Variants in CADM2 observed in about 807,000 individuals in gnomAD.
CADM2 encodes the protein immunoglobulin superfamily member 4D.
In CADM2, 12 loss-of-function variants were observed where a neutral mutation model predicts 49.8. That is an observed-to-expected ratio of 0.24 (90% CI 0.15 to 0.39). The LOEUF (loss-of-function observed/expected upper bound fraction) is 0.39, where lower values mean the gene tolerates loss of function less well. CADM2 is among the 10% of genes least tolerant of loss of function. The pLI is 1.00. For missense variants in CADM2, 378 were observed against 492.3 expected (o/e 0.77, Z 2.20); for synonymous variants, 214 against 175.4 (o/e 1.22, Z -1.74).
At chr3:84,971,912 A>T (rs929238619) in intron 1 of CADM2, among the ~76,000 whole-genome samples, 1 of 152,114 alleles carries the variant, frequency 6.6e-6, no homozygotes, top group Non-Finnish European at 1.5e-5. Context: ...GAAGTGGAAC[A>T]CAAGCAGCAG....
chr3:85,561,088 G>A (rs555331046), intron 1 of CADM2, among the ~76,000 whole-genome samples: 9 of 152,216 alleles, frequency 5.9e-5, no homozygotes, highest in African/African-American at 2.2e-4. Flanking sequence ...AAAAATGTTT[G>A]ACTGAATGAC....
chr3:85,346,701 A>G (rs1265787535), intron 1 of CADM2, among the ~76,000 whole-genome samples: 1 of 152,226 alleles, frequency 6.6e-6, no homozygotes, highest in Non-Finnish European at 1.5e-5. Context: ...AAAATCTTCA[A>G]AACTTTAAAA....
chr3:85,296,131 C>A, intron 1 of CADM2, among the ~76,000 whole-genome samples: 1 of 151,854 alleles, frequency 6.6e-6, no homozygotes, highest in Admixed American at 6.6e-5. Context: ...TTTTTTAAAT[C>A]TTGAAATGTT....
At chr3:85,855,693 C>T (rs2075291011) in intron 3 of CADM2, among the ~76,000 whole-genome samples, 2 of 150,140 alleles carry the variant, frequency 1.3e-5, no homozygotes, top group South Asian at 4.2e-4. Context: ...GTGGCATTAT[C>T]TCAGCTCACT....
chr3:85,289,700 T>C (rs534022159), intron 1 of CADM2, among the ~76,000 whole-genome samples: 196 of 152,290 alleles, frequency 1.3e-3, no homozygotes, highest in African/African-American at 4.2e-3. Context: ...ATCTTTCAAA[T>C]TTTAAAATTT....
chr3:85,487,103 C>A (rs2039448014), intron 1 of CADM2, among the ~76,000 whole-genome samples: 1 of 152,174 alleles, frequency 6.6e-6, no homozygotes, highest in Non-Finnish European at 1.5e-5. Flanking sequence ...CAATACTTAG[C>A]TTAATTCTTT....
intron 1 of CADM2, among the ~76,000 whole-genome samples, chr3:85,424,095 C>T (rs1353293981): frequency 2.0e-5 from 3 of 152,008 alleles, no homozygotes; most frequent in Non-Finnish European, 2.9e-5. Flanking sequence ...AAAATATTGC[C>T]AATAAACTAA....
chr3:85,152,893 G>C (rs942174239), intron 1 of CADM2, among the ~76,000 whole-genome samples: 5 of 151,490 alleles, frequency 3.3e-5, no homozygotes, highest in Admixed American at 3.3e-4. Flanking sequence ...GAACCCAGGA[G>C]GTGGAGCTTG....
At chr3:85,496,700 A>G (rs994041908) in intron 1 of CADM2, among the ~76,000 whole-genome samples, 1 of 152,110 alleles carries the variant, frequency 6.6e-6, no homozygotes, top group Non-Finnish European at 1.5e-5. Context: ...GCTTACCTGC[A>G]TTTGTTATTT....
At position 86,060,206 on chromosome 3, in the gene CADM2, A is replaced by G. The variant is rs888804362; in HGVS notation, c.971-5399A>G. Among the ~76,000 whole-genome samples the G allele has an allele frequency of 3.3e-5, 5 of 150,434 alleles. No homozygotes were observed. The East Asian group carries it at 9.9e-4, about 30-fold the overall frequency. On this transcript the variant is annotated intron_variant, in intron 8 of 9. Transcript: ENST00000383699. ...ATTGATCTACAACAAATTTTAACAG[A>G]TCAAATCGTTTTAATGTCAAAAAAA... is the stretch of plus-strand genomic sequence containing the variant.
chr3:85,972,753 T>C (rs1577828988), intron 8 of CADM2, among the ~76,000 whole-genome samples: 1 of 151,914 alleles, frequency 6.6e-6, no homozygotes, highest in East Asian at 2.0e-4. Flanking sequence ...AAAGGTGCTG[T>C]ACCACTCTTC....
At chr3:85,592,178 A>G (rs576175860) in intron 1 of CADM2, among the ~76,000 whole-genome samples, 2 of 152,138 alleles carry the variant, frequency 1.3e-5, no homozygotes, top group South Asian at 4.1e-4. Context: ...GGAAAACAGA[A>G]CATTGATAAA....
rs7645787 is a variant in CADM2, at chr3:85,036,563, C to T, written c.61+76895C>T. 4.5e-3 allele frequency among the ~76,000 whole-genome samples: 688 copies of T among 152,176 alleles called. 3 individuals carry two copies. Among genetic ancestry groups the T allele is most frequent in the African/African-American group, 0.016 (662 of 41,520 alleles). On this transcript the variant is annotated intron_variant, in intron 1 of 9. Transcript: ENST00000383699. The stretch of plus-strand genomic sequence containing the variant: ...CTAAAAGCCATTTGGGTTCTCTTGC[C>T]TATTAGGTTGGTGCAAAAATAATTG...
chr3:85,414,019 C>T (rs1371247643), intron 1 of CADM2, among the ~76,000 whole-genome samples: 3 of 152,074 alleles, frequency 2.0e-5, no homozygotes, highest in African/African-American at 7.2e-5. Context: ...CCTGTGCCAC[C>T]ACGCTCAGCT....
At chr3:85,659,467 A>G (rs1007712846) in intron 1 of CADM2, among the ~76,000 whole-genome samples, 1 of 152,142 alleles carries the variant, frequency 6.6e-6, no homozygotes. Context: ...AAAGGAAAAA[A>G]AAAAGTAAAC....
intron 1 of CADM2, among the ~76,000 whole-genome samples, chr3:85,373,612 C>G (rs2033410759): frequency 6.6e-6 from 1 of 152,180 alleles, no homozygotes; most frequent in African/African-American, 2.4e-5. Context: ...CCAAAATGCC[C>G]TAGCAGAGGT....
At chr3:85,558,989 A>C (rs724304) in intron 1 of CADM2, among the ~76,000 whole-genome samples, 77,852 of 151,930 alleles carry the variant, frequency 0.51, 23,022 homozygotes, top group East Asian at 0.85. Context: ...TTACGTATGC[A>C]TTTGATTATA....
intron 1 of CADM2, among the ~76,000 whole-genome samples, chr3:85,218,174 G>A (rs1489970583): frequency 6.6e-6 from 1 of 151,846 alleles, no homozygotes; most frequent in African/African-American, 2.4e-5. Flanking sequence ...AATTATAAAA[G>A]TGGAAATTGT....
At chr3:85,329,142 G>C (rs1374082347) in intron 1 of CADM2, among the ~76,000 whole-genome samples, 1 of 152,020 alleles carries the variant, frequency 6.6e-6, no homozygotes, top group Non-Finnish European at 1.5e-5. Context: ...ACAAGCTAAG[G>C]GAAGAGATAC....
Sources: gnomAD v4.1 joint callset for allele counts (sites outside exome capture counted in the v4.1 genomes callset) on GRCh38, gnomAD v4.1.1 for gene constraint, MANE v1.5 for transcripts, NCBI Gene and HGNC (gene_info 2026-07-23, HGNC 2026-07-21) for gene names.